The following PROSER1 variants were observed in gnomAD, a reference collection of about 807,000 sequenced individuals.
The protein encoded by PROSER1 is proline and serine-rich protein 1.
PROSER1 carries 36 observed loss-of-function variants against 71.8 expected under a neutral mutation model. That is an observed-to-expected ratio of 0.50 (90% CI 0.38 to 0.66). The LOEUF (loss-of-function observed/expected upper bound fraction) is 0.66. Ranked by LOEUF, PROSER1 falls within the 30% of genes least tolerant of loss-of-function variation. PROSER1 has a pLI of 0.00. For synonymous variants in PROSER1, 490 were observed against 452.4 expected (o/e 1.08, Z -1.06); for missense variants, 1,107 against 1,135.0 (o/e 0.98, Z 0.35).
chr13:39,014,539 T>C, intron 10 of PROSER1, 63 bp from the exon 11 acceptor site: 1 of 1,189,638 alleles, frequency 8.4e-7, no homozygotes, highest in Non-Finnish European at 1.2e-6. Context: ...AATTTTGAAT[T>C]AAAAAGCATA....
chr13:39,027,088 A>ATGTG (rs35072988), intron 5 of PROSER1, among the ~76,000 whole-genome samples: 23,261 of 151,920 alleles, frequency 0.15, 2,205 homozygotes, highest in African/African-American at 0.26. Context: ...AGCTATACAT[A>ATGTG]TGTGTGTGTA....
At chr13:39,035,793 T>G (rs1224301543) in intron 1 of PROSER1, among the ~76,000 whole-genome samples, 1 of 152,208 alleles carries the variant, frequency 6.6e-6, no homozygotes, top group Non-Finnish European at 1.5e-5. Context: ...TTTAAGAAAA[T>G]CAGTAGTAAT....
chr13:39,036,540 A>G (rs866081420), intron 1 of PROSER1, among the ~76,000 whole-genome samples: 3 of 152,186 alleles, frequency 2.0e-5, no homozygotes, highest in African/African-American at 7.2e-5. Flanking sequence ...TGTGCTTGAG[A>G]TATTGTTAGG....
Position 39,013,754 on chromosome 13 carries a change from G to A in PROSER1, c.1498C>T (p.Leu500=), listed in dbSNP as rs770259616. Residue 500 remains leucine (L), a synonymous_variant, in exon 11 of 13, where the codon CTA becomes TTA. Transcript: ENST00000352251. The stretch of plus-strand genomic sequence containing the variant: ...GAGTTCTGAAGAGTAAGAGAAGATA[G>A]TGAAGCCAGCCCACTTGTGACAGCA... The part of the protein sequence containing the change: ...SSAVTSGLAS[L]SSLTLQNSDS... The A allele has an allele frequency of 6.2e-7, 1 of 1,614,212 alleles. No homozygotes were observed. Among genetic ancestry groups the A allele is most frequent in the Non-Finnish European group, 8.5e-7 (1 of 1,180,028 alleles).
At chr13:39,033,464 G>C (rs1441597055) in intron 2 of PROSER1, among the ~76,000 whole-genome samples, 1 of 152,086 alleles carries the variant, frequency 6.6e-6, no homozygotes, top group Non-Finnish European at 1.5e-5. Context: ...TACATTTATT[G>C]TCCATCCTTT....
rs1362838627 is a variant in PROSER1, at chr13:39,012,803, C to G, written c.2449G>C (p.Ala817Pro). Residue 817 changes from alanine (A) to proline (P), a missense_variant, in exon 11 of 13, where the codon GCT (alanine) becomes CCT (proline). By Grantham distance (27) the Ala-to-Pro change is conservative (BLOSUM62 -1). Coordinates refer to ENST00000352251, the MANE Select transcript of PROSER1 (RefSeq NM_025138.5). ...GCAGCCACAGGTAGTGGTGTGACAG[C>G]TGCGACTGTAGAGGGCGCCTGCAGC... ...PGLQAPSTVAAVTPLPVAATA... is the reference protein window; with the variant it reads ...PGLQAPSTVAPVTPLPVAATA... 1.2e-6 allele frequency: 2 copies of G among 1,614,210 alleles called. No individual in the cohort carries two copies. Among genetic ancestry groups the G allele is most frequent in the Non-Finnish European group, 1.7e-6 (2 of 1,180,036 alleles).
chr13:39,036,864 G>A (rs1399635554), intron 1 of PROSER1, among the ~76,000 whole-genome samples: 3 of 152,220 alleles, frequency 2.0e-5, no homozygotes, highest in East Asian at 3.9e-4. Context: ...TTGTGTTACT[G>A]AAAGATGAGG....
intron 1 of PROSER1, among the ~76,000 whole-genome samples, chr13:39,034,770 C>T (rs1315532799): frequency 6.6e-6 from 1 of 152,158 alleles, no homozygotes; most frequent in South Asian, 2.1e-4. Context: ...TCCTTTTGAG[C>T]GTCCTCATTC....
intron 7 of PROSER1, 131 bp from the exon 8 acceptor site, chr13:39,023,261 G>T (rs2138117796): frequency 1.6e-6 from 1 of 621,272 alleles, no homozygotes. Context: ...GGACTACATG[G>T]GACAACAAAT....
At chr13:39,034,061 C>T in intron 2 of PROSER1, 70 bp downstream of exon 2, 1 of 1,108,834 alleles carries the variant, frequency 9.0e-7, no homozygotes, top group Non-Finnish European at 1.3e-6. Flanking sequence ...TGAATTCGGC[C>T]AGCAGACAGA....
At chr13:39,028,645 A>G (rs775112768) in intron 4 of PROSER1, among the ~76,000 whole-genome samples, 11 of 152,206 alleles carry the variant, frequency 7.2e-5, no homozygotes, top group Non-Finnish European at 1.5e-4. Flanking sequence ...ATGCATAAAA[A>G]TCATTTTATG....
intron 3 of PROSER1, 53 bp downstream of exon 3, chr13:39,031,510 A>G: frequency 8.0e-7 from 1 of 1,256,906 alleles, no homozygotes; most frequent in South Asian, 1.3e-5. Flanking sequence ...CACAACTGGG[A>G]GAATTAAAAA....
chr13:39,035,895 T>C (rs1369050696), intron 1 of PROSER1, among the ~76,000 whole-genome samples: 1 of 152,232 alleles, frequency 6.6e-6, no homozygotes. Context: ...CAGCAGAAGA[T>C]ATATTTTAAC....
rs1455483519 is a variant in PROSER1, at chr13:39,037,880, G to A, written c.-638C>T. 4 of 152,478 alleles carry A rather than the reference G, an allele frequency of 2.6e-5. No individual in the cohort carries two copies. Among genetic ancestry groups the A allele is most frequent in the Non-Finnish European group, 4.4e-5 (3 of 68,298 alleles). The allele number at this position is 152,478 out of a possible 1,614,324, so 9.4% of individuals were successfully genotyped here. On this transcript the variant is annotated 5_prime_UTR_variant, in exon 1 of 13. Transcript: ENST00000352251. ...TGTTACCAGCTGCTGCAGCTTCCGG[G>A]AGCGGGCCGGCGGCTGGGGAGCACC...
intron 1 of PROSER1, 139 bp downstream of exon 1, chr13:39,037,059 C>T (rs1222045686): frequency 3.0e-6 from 2 of 657,486 alleles, no homozygotes; most frequent in East Asian, 2.7e-5. Context: ...ATATAAACTC[C>T]TCCATTACAC....
Position 39,018,444 on chromosome 13 carries a change from T to G in PROSER1, c.731-900A>C, listed in dbSNP as rs2138108324. ...AATAACCACCAGAACAATGGAGATT[T>G]AATTAAAGAAAAAGGACTTTTAAAA... On this transcript the variant is annotated intron_variant, in intron 9 of 12. Transcript: ENST00000352251. Among the ~76,000 whole-genome samples the G allele has an allele frequency of 1.3e-5, 2 of 149,516 alleles. 1 individual carries two copies. Among genetic ancestry groups the G allele is most frequent in the South Asian group, 4.2e-4 (2 of 4,724 alleles).
Position 39,018,516 on chromosome 13 carries a change from A to ACT in PROSER1, c.731-974_731-973dup, listed in dbSNP as rs1454000990. 4.7e-5 allele frequency among the ~76,000 whole-genome samples: 7 copies of ACT among 148,996 alleles called. No individual in the cohort carries two copies. In the East Asian group the frequency reaches 9.7e-4, roughly 21 times the overall value. ...CACACACACACACACACACACACACACTACTGGGAAATAAGCAGAGAAGAC... is the reference window on the plus strand; with the variant it reads ...CACACACACACACACACACACACACACTCTACTGGGAAATAAGCAGAGAAGAC... On this transcript the variant is annotated intron_variant, in intron 9 of 12. Coordinates refer to ENST00000352251, the MANE Select transcript of PROSER1 (RefSeq NM_025138.5).
Position 39,013,091 on chromosome 13 carries a change from G to A in PROSER1, c.2161C>T (p.Leu721Phe), listed in dbSNP as rs1566021441. 2 of 1,614,146 alleles carry A rather than the reference G, an allele frequency of 1.2e-6. No individual in the cohort carries two copies. Among genetic ancestry groups the A allele is most frequent in the Middle Eastern group, 1.6e-4 (1 of 6,062 alleles). Residue 721 changes from leucine (L) to phenylalanine (F), a missense_variant, in exon 11 of 13, where the codon CTC (leucine) becomes TTC (phenylalanine). Leu to Phe is a conservative substitution (Grantham distance 22). Transcript: ENST00000352251. ...GNPSLNPSVS[L>F]PGSLIATSST... The stretch of plus-strand genomic sequence containing the variant: ...GAGGTGGCTATTAATGACCCTGGGA[G>A]AGATACTGACGGATTAAGAGATGGG...
In PROSER1 at chr13:39,012,814, G is replaced by C. The variant is rs1433879208; in HGVS notation, c.2438C>G (p.Ser813Cys). The C allele has an allele frequency of 6.2e-7, 1 of 1,614,212 alleles. No homozygotes were observed. ...TAGTGGTGTGACAGCTGCGACTGTAGAGGGCGCCTGCAGCCCCGGGAATGA... is the reference window on the plus strand; with the variant it reads ...TAGTGGTGTGACAGCTGCGACTGTACAGGGCGCCTGCAGCCCCGGGAATGA... ...LPSFPGLQAP[S>C]TVAAVTPLPV... The change falls in exon 11 of 13, where the codon TCT becomes TGT. Residue 813 changes from serine (S) to cysteine (C), a missense_variant. By Grantham distance (112) the Ser-to-Cys change is moderately radical. Coordinates refer to ENST00000352251, the MANE Select transcript of PROSER1 (RefSeq NM_025138.5).
Sources: gnomAD v4.1 joint callset for allele counts (sites outside exome capture counted in the v4.1 genomes callset) on GRCh38, gnomAD v4.1.1 for gene constraint, MANE v1.5 for transcripts, NCBI Gene and HGNC (gene_info 2026-07-23, HGNC 2026-07-21) for gene names.